The following POT1 variants were observed in gnomAD, a reference collection of about 807,000 sequenced individuals.
The protein encoded by POT1 is protection of telomeres protein 1.
Under a neutral mutation model 78.5 loss-of-function variants are expected in POT1, and 47 were observed. The observed-to-expected ratio is 0.60, with a 90% CI of 0.47 to 0.76. The LOEUF (loss-of-function observed/expected upper bound fraction) is 0.76, where lower values mean the gene tolerates loss of function less well. POT1 is among the 30% of genes least tolerant of loss of function. The pLI is 0.00. For missense variants in POT1, 646 were observed against 749.9 expected, an observed-to-expected ratio of 0.86 and a Z score of 1.62; for synonymous variants, 259 against 260.7, an observed-to-expected ratio of 0.99 and a Z score of 0.06.
chr7:124,869,723 C>T (rs62480260), intron 7 of POT1, among the ~76,000 whole-genome samples: 48,502 of 151,868 alleles, frequency 0.32, 7,763 homozygotes, highest in South Asian at 0.4. Flanking sequence ...GCTGGGATTA[C>T]AAGCATTACC....
intron 14 of POT1, among the ~76,000 whole-genome samples, chr7:124,840,064 C>G (rs1794990032): frequency 6.6e-6 from 1 of 151,020 alleles, no homozygotes; most frequent in Admixed American, 6.6e-5. Flanking sequence ...CAGAGATTTT[C>G]CGTATCCCCT....
chr7:124,829,393 GT>G lies in POT1; in HGVS notation c.1506-52del, dbSNP rs1447126664. ...TAAATATTTAAAAATAATTTAGCTT[GT>G]TTGTTATAACTTTTTACTGCTCAAA... On this transcript the variant is annotated intron_variant, in intron 15 of 18. Transcript: ENST00000357628. 2.4e-6 allele frequency: 3 copies of G among 1,236,912 alleles called. No individual in the cohort carries two copies. The Admixed American group carries it at 6.3e-5, about 26-fold the overall frequency. The allele number at this position is 1,236,912 out of a possible 1,614,324, so 76.6% of individuals were successfully genotyped here.
At chr7:124,889,298 A>G (rs1012757761) in intron 6 of POT1, among the ~76,000 whole-genome samples, 1 of 152,102 alleles carries the variant, frequency 6.6e-6, no homozygotes, top group African/African-American at 2.4e-5. Flanking sequence ...ACTCTCTTCA[A>G]TTCTTTAAAG....
At chr7:124,926,902 A>G (rs1010492813) in intron 2 of POT1, among the ~76,000 whole-genome samples, 2 of 152,182 alleles carry the variant, frequency 1.3e-5, no homozygotes, top group African/African-American at 4.8e-5. Flanking sequence ...GAGTGTACAG[A>G]GATGGACAAT....
intron 15 of POT1, 27 bp downstream of exon 15, chr7:124,835,252 A>AAAAC (rs1222669226): frequency 6.2e-7 from 1 of 1,606,436 alleles, no homozygotes; most frequent in African/African-American, 1.3e-5. Flanking sequence ...TAAACAAAAC[A>AAAAC]AAACAAAACA....
intron 14 of POT1, chr7:124,840,665 A>C (rs1795004869): frequency 5.3e-6 from 1 of 190,194 alleles, no homozygotes; most frequent in Non-Finnish European, 1.1e-5. Context: ...ATAAGCAATC[A>C]GCCTCTTTTA....
At chr7:124,838,978 G>A (rs1484253634) in intron 14 of POT1, among the ~76,000 whole-genome samples, 3 of 152,112 alleles carry the variant, frequency 2.0e-5, no homozygotes, top group African/African-American at 7.2e-5. Context: ...ACATGGAAAT[G>A]CAAAAGATTT....
At chr7:124,924,789 G>A (rs2116721958) in intron 2 of POT1, among the ~76,000 whole-genome samples, 1 of 152,160 alleles carries the variant, frequency 6.6e-6, no homozygotes, top group East Asian at 1.9e-4. Flanking sequence ...TTATCTCAGG[G>A]ACGCAAGAAT....
chr7:124,836,296 G>C (rs183824132), intron 14 of POT1, among the ~76,000 whole-genome samples: 2 of 152,264 alleles, frequency 1.3e-5, no homozygotes, highest in African/African-American at 4.8e-5. Context: ...AGAACGGTGA[G>C]CTCTGTGGCA....
At chr7:124,897,667 C>G (rs1309834814) in intron 4 of POT1, among the ~76,000 whole-genome samples, 1 of 151,574 alleles carries the variant, frequency 6.6e-6, no homozygotes, top group African/African-American at 2.4e-5. Context: ...CAAATTTTAC[C>G]CATCTCCAGC....
rs373691389 is a variant in POT1, at chr7:124,863,458, C to T, written c.438G>A (p.Pro146=). 1.9e-5 allele frequency: 31 copies of T among 1,613,824 alleles called. No individual in the cohort carries two copies. Among genetic ancestry groups the T allele is most frequent in the South Asian group, 1.5e-4 (14 of 91,066 alleles). The change falls in exon 8 of 19, where the codon CCG becomes CCA. Residue 146 remains proline, a synonymous_variant. Transcript: ENST00000357628. ...LRVWASTHMS[P]SWTLLKLCDV... Reference sequence around the variant, plus strand: ...CACACAATTTTAGTAATGTCCAAGACGGTGACATATGAGTAGATGCCCAAA... The same window carrying T: ...CACACAATTTTAGTAATGTCCAAGATGGTGACATATGAGTAGATGCCCAAA...
intron 12 of POT1, among the ~76,000 whole-genome samples, chr7:124,845,658 T>C (rs1458518714): frequency 2.6e-5 from 4 of 152,164 alleles, no homozygotes; most frequent in Non-Finnish European, 5.9e-5. Flanking sequence ...CCTGATAGTT[T>C]AGAATCCACA....
chr7:124,857,941 A>T (rs1562990239), intron 9 of POT1, among the ~76,000 whole-genome samples: 1 of 152,140 alleles, frequency 6.6e-6, no homozygotes, highest in Non-Finnish European at 1.5e-5. Context: ...GCACCCTCTC[A>T]GATGCTGCTG....
intron 6 of POT1, among the ~76,000 whole-genome samples, chr7:124,877,277 A>AACTTTAT (rs1485189640): frequency 6.6e-6 from 1 of 152,202 alleles, no homozygotes; most frequent in African/African-American, 2.4e-5. Flanking sequence ...CAACTTTATA[A>AACTTTAT]AACCTGACAA....
At chr7:124,922,757 T>C (rs372052608) in intron 2 of POT1, among the ~76,000 whole-genome samples, 2 of 151,992 alleles carry the variant, frequency 1.3e-5, no homozygotes, top group East Asian at 1.9e-4. Context: ...CTCAAATTGT[T>C]TGACAGACAA....
At chr7:124,853,806 T>A (rs761566495) in intron 9 of POT1, among the ~76,000 whole-genome samples, 21 of 152,184 alleles carry the variant, frequency 1.4e-4, no homozygotes, top group South Asian at 2.1e-4. Context: ...TCTACAAATG[T>A]CTTTAATTAT....
chr7:124,892,839 T>C (rs1313474777), intron 5 of POT1: 10 of 151,544 alleles, frequency 6.6e-5, no homozygotes. Flanking sequence ...CAGCAATACA[T>C]GTCAAAACTG....
At chr7:124,892,634 ACTT>A (rs1445616030) in intron 5 of POT1, 1 of 235,790 alleles carries the variant, frequency 4.2e-6, no homozygotes, top group Non-Finnish European at 8.1e-6. Context: ...AAAACATTAT[ACTT>A]CTTCAATAAA....
Position 124,879,422 on chromosome 7 carries a change from T to C in POT1, c.125-8381A>G, listed in dbSNP as rs372046642. ...GGGAATCATGAAGAAAATCTGCCTG[T>C]CTGTGCCACGGTTTGGAAATGAGGG... is the stretch of plus-strand genomic sequence containing the variant. On this transcript the variant is annotated intron_variant, in intron 6 of 18. Coordinates refer to ENST00000357628, the MANE Select transcript of POT1 (RefSeq NM_015450.3). Among the ~76,000 whole-genome samples the C allele has an allele frequency of 2.3e-4, 35 of 152,288 alleles. 1 individual carries two copies. The East Asian group carries it at 6.4e-3, about 28-fold the overall frequency.
Sources: allele counts gnomAD v4.1 joint callset (sites outside exome capture counted in the v4.1 genomes callset), GRCh38; gene constraint gnomAD v4.1.1; transcripts MANE v1.5; gene names NCBI Gene and HGNC (gene_info 2026-07-23, HGNC 2026-07-21).